The following MALRD1 variants were observed in gnomAD, a reference collection of about 807,000 sequenced individuals.
MALRD1 encodes MAM and LDL receptor class A domain containing 1.
In MALRD1, 247 loss-of-function variants were observed where a neutral mutation model predicts 242.1. The ratio of observed to expected loss-of-function variants is 1.02; its 90% CI spans 0.92 to 1.13. The LOEUF (loss-of-function observed/expected upper bound fraction) is 1.13, where lower values mean the gene tolerates loss of function less well. MALRD1 is among the 50% of genes most tolerant of loss of function. MALRD1 has a pLI of 0.00. For synonymous variants in MALRD1, 995 were observed against 866.6 expected, an observed-to-expected ratio of 1.15 and a Z score of -2.60; for missense variants, 2,989 against 2,533.1, an observed-to-expected ratio of 1.18 and a Z score of -3.86.
chr10:19,334,130 T>TTG (rs1259740328), intron 24 of MALRD1, among the ~76,000 whole-genome samples: 5 of 147,390 alleles, frequency 3.4e-5, no homozygotes, highest in Admixed American at 1.4e-4. Flanking sequence ...TTTTTTTTTT[T>TTG]TTTTTTTTTT....
intron 36 of MALRD1, among the ~76,000 whole-genome samples, chr10:19,633,276 A>G (rs1839988593): frequency 6.6e-6 from 1 of 152,088 alleles, no homozygotes; most frequent in African/African-American, 2.4e-5. Flanking sequence ...ACTTTTCAAG[A>G]TTTCTTGGCC....
At chr10:19,525,363 C>G (rs1834060093) in intron 31 of MALRD1, among the ~76,000 whole-genome samples, 1 of 152,130 alleles carries the variant, frequency 6.6e-6, no homozygotes, top group Non-Finnish European at 1.5e-5. Flanking sequence ...TTTTAACCCT[C>G]TGCTGACATC....
At chr10:19,573,840 TACA>T (rs1245848578) in intron 33 of MALRD1, among the ~76,000 whole-genome samples, 1 of 152,186 alleles carries the variant, frequency 6.6e-6, no homozygotes, top group African/African-American at 2.4e-5. Context: ...AATGAGGTGC[TACA>T]ACATGTTCAA....
At chr10:19,406,016 G>A (rs1327191064) in intron 28 of MALRD1, among the ~76,000 whole-genome samples, 2 of 152,068 alleles carry the variant, frequency 1.3e-5, no homozygotes, top group Non-Finnish European at 2.9e-5. Context: ...GGATTTGAAT[G>A]TCAACTCTGC....
intron 11 of MALRD1, among the ~76,000 whole-genome samples, chr10:19,148,786 A>ATATATATATATATATATAT (rs1220802758): frequency 1.5e-5 from 1 of 68,186 alleles, no homozygotes; most frequent in African/African-American, 4.4e-5. Flanking sequence ...AAAAAAAAAA[A>ATATATATATATATATATAT]AAATATATAT....
chr10:19,454,296 G>A, intron 29 of MALRD1, among the ~76,000 whole-genome samples: 1 of 151,076 alleles, frequency 6.6e-6, no homozygotes, highest in Non-Finnish European at 1.5e-5. Context: ...ATTTCTATAA[G>A]GGGGAAGGCA....
At chr10:19,331,130 A>G (rs1349858237) in intron 23 of MALRD1, among the ~76,000 whole-genome samples, 1 of 152,146 alleles carries the variant, frequency 6.6e-6, no homozygotes. Context: ...CTAAAAATCT[A>G]GACATAAGCC....
At chr10:19,397,173 C>T (rs1846620701) in intron 28 of MALRD1, among the ~76,000 whole-genome samples, 1 of 152,008 alleles carries the variant, frequency 6.6e-6, no homozygotes, top group Admixed American at 6.6e-5. Context: ...CCTCACTGTG[C>T]AAAGAAACAC....
At chr10:19,331,327 T>C (rs1215471438) in intron 23 of MALRD1, 42 bp from the exon 24 acceptor site, 1 of 1,484,850 alleles carries the variant, frequency 6.7e-7, no homozygotes, top group South Asian at 1.2e-5. Flanking sequence ...GGTTTTGAAC[T>C]TCTTGATTGA....
At chr10:19,507,586 A>T (rs1222854529) in intron 31 of MALRD1, among the ~76,000 whole-genome samples, 1 of 152,184 alleles carries the variant, frequency 6.6e-6, no homozygotes, top group Non-Finnish European at 1.5e-5. Flanking sequence ...ATGATACATA[A>T]ATTCTTCTTT....
intron 21 of MALRD1, among the ~76,000 whole-genome samples, chr10:19,309,376 T>C (rs1250006623): frequency 6.6e-6 from 1 of 151,524 alleles, no homozygotes; most frequent in African/African-American, 2.4e-5. Flanking sequence ...GAGGGAATTT[T>C]TACCAAAATA....
At chr10:19,118,448 A>G (rs1232241934) in intron 5 of MALRD1, among the ~76,000 whole-genome samples, 2 of 152,202 alleles carry the variant, frequency 1.3e-5, no homozygotes, top group African/African-American at 4.8e-5. Flanking sequence ...GGGGGCTTCC[A>G]GGTCATAGGT....
chr10:19,103,896 A>T, intron 4 of MALRD1, 83 bp from the exon 5 acceptor site: 1 of 765,192 alleles, frequency 1.3e-6, no homozygotes, highest in East Asian at 3.4e-5. Context: ...TTCCTATTGC[A>T]GGCTCTCTTT....
At chr10:19,151,259 G>A (rs1418903274) in intron 11 of MALRD1, among the ~76,000 whole-genome samples, 1 of 151,746 alleles carries the variant, frequency 6.6e-6, no homozygotes, top group Admixed American at 6.6e-5. Flanking sequence ...CAGCTTTCGG[G>A]GTAGAGATTT....
At chr10:19,297,602 G>A (rs1279000551) in intron 21 of MALRD1, among the ~76,000 whole-genome samples, 5 of 151,734 alleles carry the variant, frequency 3.3e-5, no homozygotes, top group African/African-American at 9.7e-5. Context: ...TATATTTATA[G>A]CATTATTTGT....
At position 19,324,132 on chromosome 10, in the gene MALRD1, G is replaced by C. The variant is rs147629587; in HGVS notation, c.3576+27G>C. The C allele has an allele frequency of 1.1e-3, 1,761 of 1,540,330 alleles. 9 individuals carry two copies. The African/African-American group carries it at 0.021, about 19-fold the overall frequency. ...TACTGCTTAGGCAATCACATTTTCTGAATTTTCTCTCTAAAAGTTCACAGT... is the reference window on the plus strand; with the variant it reads ...TACTGCTTAGGCAATCACATTTTCTCAATTTTCTCTCTAAAAGTTCACAGT... On this transcript the variant is annotated intron_variant, in intron 22 of 39. Transcript: ENST00000454679.
intron 27 of MALRD1, chr10:19,389,044 G>A: frequency 3.0e-6 from 1 of 329,880 alleles, no homozygotes; most frequent in South Asian, 2.5e-5. Context: ...ATTTCTTAGT[G>A]TTATATTTAC....
intron 21 of MALRD1, among the ~76,000 whole-genome samples, chr10:19,295,388 A>G (rs1203000962): frequency 2.0e-5 from 3 of 151,586 alleles, no homozygotes; most frequent in African/African-American, 2.4e-5. Flanking sequence ...ATAGTATCCA[A>G]TTGTATATAT....
intron 17 of MALRD1, among the ~76,000 whole-genome samples, chr10:19,207,332 A>G (rs995710024): frequency 6.6e-6 from 1 of 152,144 alleles, no homozygotes; most frequent in Non-Finnish European, 1.5e-5. Context: ...ACGTTCCTAT[A>G]TTACCCTAGA....
Sources: gnomAD v4.1 joint callset for allele counts (sites outside exome capture counted in the v4.1 genomes callset) on GRCh38, gnomAD v4.1.1 for gene constraint, MANE v1.5 for transcripts, NCBI Gene and HGNC (gene_info 2026-07-23, HGNC 2026-07-21) for gene names.